The following MAB21L4 variants were observed in gnomAD, a reference collection of about 807,000 sequenced individuals.
The protein encoded by MAB21L4 is mab-21 like 4.
In MAB21L4, 25 loss-of-function variants were observed where a neutral mutation model predicts 32.4. That is an observed-to-expected ratio of 0.77 (90% CI 0.56 to 1.08). The LOEUF (loss-of-function observed/expected upper bound fraction) is 1.08. Among genes scored for constraint, MAB21L4 ranks in the 50% least tolerant of loss-of-function variants. MAB21L4 has a pLI of 0.00. For missense variants in MAB21L4, 638 were observed against 611.0 expected, an observed-to-expected ratio of 1.04 and a Z score of -0.47; for synonymous variants, 280 against 276.8, an observed-to-expected ratio of 1.01 and a Z score of -0.11.
upstream of MAB21L4, among the ~76,000 whole-genome samples, chr2:240,896,513 G>A (rs924962648): frequency 3.9e-5 from 6 of 152,160 alleles, no homozygotes; most frequent in Non-Finnish European, 5.9e-5. Flanking sequence ...GGAACACAAG[G>A]CACCCCGTGG....
At chr2:240,893,405 G>C (rs1238867855) in intron 1 of MAB21L4, among the ~76,000 whole-genome samples, 1 of 152,158 alleles carries the variant, frequency 6.6e-6, no homozygotes, top group Non-Finnish European at 1.5e-5. Context: ...GAGAAGGAGG[G>C]CCCCCCCATG....
chr2:240,887,206 G>A, intron 4 of MAB21L4, 44 bp from the exon 5 acceptor site: 1 of 1,517,758 alleles, frequency 6.6e-7, no homozygotes, highest in Non-Finnish European at 9.2e-7. Context: ...GGGACCCCTG[G>A]AGCCCATGAT....
At chr2:240,895,414 G>A in intron 1 of MAB21L4, 70 bp downstream of exon 1, 3 of 1,402,644 alleles carry the variant, frequency 2.1e-6, no homozygotes, top group East Asian at 2.5e-5. Flanking sequence ...TCACACACTT[G>A]CACACAGACA....
chr2:240,893,857 G>A (rs890842643), intron 1 of MAB21L4, among the ~76,000 whole-genome samples: 5 of 151,890 alleles, frequency 3.3e-5, no homozygotes, highest in African/African-American at 1.2e-4. Context: ...ACAGGGCCAA[G>A]TGAGGTCGGG....
chr2:240,888,526 GT>G lies in MAB21L4; in HGVS notation c.1016del (p.His339ProfsTer194), dbSNP rs2059116506. ...GCAGGTTGCGCTGCGGGTGGAGGAA[GT>G]GGGGCAGCTTCCGCGTGGCCAGGCA... is the stretch of plus-strand genomic sequence containing the variant. ...LCCLATRKLP[H>X]FLHPQRNLLQ... On this transcript the variant is annotated frameshift_variant, in exon 4 of 5. Coordinates refer to ENST00000388934, the MANE Select transcript of MAB21L4 (RefSeq NM_001085437.3). LOFTEE classifies it high-confidence loss of function. 6.2e-7 allele frequency: 1 copy of G among 1,608,182 alleles called. No homozygotes were observed.
At position 240,895,588 on chromosome 2, in the gene MAB21L4, G is replaced by T; in HGVS notation, c.410C>A (p.Ala137Asp). Residue 137 changes from alanine to aspartate, a missense_variant, in exon 1 of 5, where the codon GCC (alanine) becomes GAC (aspartate). Coordinates refer to ENST00000388934, the MANE Select transcript of MAB21L4 (RefSeq NM_001085437.3). ...GGGCACAATGTGTCCACGGCACTTG[G>T]CGTCACCCTCCGAGGAGGCAGTGAA... Reference protein sequence around the residue: ...DTFTASSEGDAKCRGHIVPSK... With the variant: ...DTFTASSEGDDKCRGHIVPSK... The T allele has an allele frequency of 6.2e-7, 1 of 1,612,774 alleles. No individual in the cohort carries two copies. Among genetic ancestry groups the T allele is most frequent in the Non-Finnish European group, 8.5e-7 (1 of 1,179,940 alleles).
chr2:240,893,292 G>A (rs532106653), intron 1 of MAB21L4, among the ~76,000 whole-genome samples: 21 of 152,306 alleles, frequency 1.4e-4, no homozygotes, highest in Non-Finnish European at 2.4e-4. Context: ...ACAATCTCCC[G>A]TGGGGCAGTT....
chr2:240,888,488 C>A lies in MAB21L4; in HGVS notation c.1055G>T (p.Gly352Val), dbSNP rs1343924897. ...HPQRNLLQGS[G>V]LDLGAIYQRV... ...CTGGTAGATGGCACCAAGGTCCAGG[C>A]CGCTGCCCTGCAGCAGGTTGCGCTG... is the stretch of plus-strand genomic sequence containing the variant. The change falls in exon 4 of 5, where the codon GGC (glycine) becomes GTC (valine). Residue 352 changes from glycine to valine, a missense_variant. Transcript: ENST00000388934. The A allele has an allele frequency of 6.2e-7, 1 of 1,603,022 alleles. No individual in the cohort carries two copies. The highest frequency in any genetic ancestry group is 8.5e-7 in the Non-Finnish European group (1 of 1,177,412).
In MAB21L4 at chr2:240,890,125, C is replaced by T. The variant is rs141159662; in HGVS notation, c.774G>A (p.Leu258=). ...TSTDYLLTRL[L]GELGSLQGHR... is the part of the protein sequence containing the mutation. ...GACCCTGCAGGGAGCCCAGCTCCCC[C>T]AGCAGCCTCGTGAGCAGGTAGTCAG... The change falls in exon 3 of 5, where the codon CTG becomes CTA. Residue 258 remains leucine, a synonymous_variant. Transcript: ENST00000388934. 2.0e-4 allele frequency: 317 copies of T among 1,611,180 alleles called. 9 individuals are homozygous for T. In the African/African-American group the frequency reaches 3.1e-3, roughly 16 times the overall value.
At chr2:240,889,839 C>G (rs781072391) in intron 3 of MAB21L4, among the ~76,000 whole-genome samples, 166 bp downstream of exon 3, 1 of 152,244 alleles carries the variant, frequency 6.6e-6, no homozygotes, top group Non-Finnish European at 1.5e-5. Context: ...TCAGGAGCCA[C>G]GGCCTCACCT....
At chr2:240,887,749 G>A (rs374083291) in intron 4 of MAB21L4, among the ~76,000 whole-genome samples, 1 of 152,166 alleles carries the variant, frequency 6.6e-6, no homozygotes, top group Non-Finnish European at 1.5e-5. Context: ...GGCCCTGGGC[G>A]AGGAGCAGGG....
rs375967286 is a variant in MAB21L4 at position 240,891,728 on chromosome 2, G to A, written c.550C>T (p.Leu184Phe). Residue 184 changes from leucine to phenylalanine, a missense_variant, in exon 2 of 5, where the codon CTC becomes TTC. Leu to Phe is a conservative substitution (Grantham distance 22). Coordinates refer to ENST00000388934, the MANE Select transcript of MAB21L4 (RefSeq NM_001085437.3). ...CTGGACACCAGCAAGGACAGGTGGA[G>A]CTGCTCCTCCCTCAGGCTGGCCGCG... ...LNAASLREEQLHLSLLVSSGW... is the reference protein window; with the variant it reads ...LNAASLREEQFHLSLLVSSGW... 1.2e-6 allele frequency: 2 copies of A among 1,609,894 alleles called. No homozygotes were observed. Among genetic ancestry groups the A allele is most frequent in the Admixed American group, 1.7e-5 (1 of 60,004 alleles).
At chr2:240,888,257 C>CG in intron 4 of MAB21L4, 35 bp downstream of exon 4, 1 of 1,482,330 alleles carries the variant, frequency 6.7e-7, no homozygotes, top group Non-Finnish European at 9.0e-7. Flanking sequence ...CCCATGCCCC[C>CG]GGGCCTGCCC....
rs1201038967 is a variant in MAB21L4 at position 240,888,633 on chromosome 2, C to G, written c.910G>C (p.Ala304Pro). The G allele has an allele frequency of 6.3e-7, 1 of 1,579,926 alleles. No individual in the cohort carries two copies. Among genetic ancestry groups the G allele is most frequent in the Non-Finnish European group, 8.6e-7 (1 of 1,162,892 alleles). Residue 304 changes from alanine to proline, a missense_variant, in exon 4 of 5, where the codon GCC becomes CCC. Physicochemically the swap from Ala to Pro is conservative, Grantham distance 27. Coordinates refer to ENST00000388934, the MANE Select transcript of MAB21L4 (RefSeq NM_001085437.3). ...FGHLKMVLLW[A>P]SVLFLAPEDW... is the part of the protein sequence containing the mutation. Reference sequence around the variant, plus strand: ...TCGGGCGCCAGGAAGAGCACAGAGGCCCACAGCAGCACCATCTGCAGGACA... The same window carrying G: ...TCGGGCGCCAGGAAGAGCACAGAGGGCCACAGCAGCACCATCTGCAGGACA...
chr2:240,887,276 C>G, intron 4 of MAB21L4, 114 bp from the exon 5 acceptor site: 1 of 815,936 alleles, frequency 1.2e-6, no homozygotes, highest in Non-Finnish European at 2.0e-6. Context: ...CCATGCCGGG[C>G]CTTCCTGCCC....
At chr2:240,893,235 C>A (rs1181716243) in intron 1 of MAB21L4, among the ~76,000 whole-genome samples, 1 of 152,198 alleles carries the variant, frequency 6.6e-6, no homozygotes, top group Non-Finnish European at 1.5e-5. Context: ...GCCCCAGGGT[C>A]CTTCCGGAGG....
chr2:240,895,614 G>A lies in MAB21L4; in HGVS notation c.384C>T (p.Thr128=), dbSNP rs769015681. The A allele has an allele frequency of 9.9e-6, 16 of 1,612,928 alleles. No homozygotes were observed. The highest frequency in any genetic ancestry group is 1.4e-5 in the Non-Finnish European group (16 of 1,180,006). Residue 128 remains threonine (T), a synonymous_variant, in exon 1 of 5, where the codon ACC becomes ACT. Coordinates refer to ENST00000388934, the MANE Select transcript of MAB21L4 (RefSeq NM_001085437.3). ...AGLERWTTED[T]FTASSEGDAK... ...CGTCACCCTCCGAGGAGGCAGTGAAGGTATCCTCGGTGGTCCACCGCTCCA... is the reference window on the plus strand; with the variant it reads ...CGTCACCCTCCGAGGAGGCAGTGAAAGTATCCTCGGTGGTCCACCGCTCCA...
intron 2 of MAB21L4, among the ~76,000 whole-genome samples, 187 bp downstream of exon 2, chr2:240,891,351 G>C (rs1192414280): frequency 6.6e-6 from 1 of 152,198 alleles, no homozygotes; most frequent in Non-Finnish European, 1.5e-5. Flanking sequence ...CCACTAGGGA[G>C]AGGACACATT....
chr2:240,895,626 G>T lies in MAB21L4; in HGVS notation c.372C>A (p.Thr124=), dbSNP rs909393298. The T allele has an allele frequency of 6.2e-7, 1 of 1,612,900 alleles. No homozygotes were observed. The highest frequency in any genetic ancestry group is 1.3e-5 in the African/African-American group (1 of 75,040). ...AGGAGGCAGTGAAGGTATCCTCGGT[G>T]GTCCACCGCTCCAGGCCAGCCCCTT... ...PREGAGLERW[T]TEDTFTASSE... is the part of the protein sequence containing the mutation. Residue 124 remains threonine, a synonymous_variant, in exon 1 of 5, where the codon ACC becomes ACA. Coordinates refer to ENST00000388934, the MANE Select transcript of MAB21L4 (RefSeq NM_001085437.3).
Sources: allele counts gnomAD v4.1 joint callset (sites outside exome capture counted in the v4.1 genomes callset), GRCh38; gene constraint gnomAD v4.1.1; transcripts MANE v1.5; gene names NCBI Gene and HGNC (gene_info 2026-07-23, HGNC 2026-07-21).